Variants in ACOT12 observed in about 807,000 individuals in gnomAD.
The protein encoded by ACOT12 is acetyl-coenzyme A thioesterase.
ACOT12 carries 51 observed loss-of-function variants against 67.7 expected under a neutral mutation model. That is an observed-to-expected ratio of 0.75 (90% CI 0.60 to 0.95). The LOEUF (loss-of-function observed/expected upper bound fraction) is 0.95. ACOT12 is among the 40% of genes least tolerant of loss of function. ACOT12 has a pLI of 0.00. For missense variants in ACOT12, 734 were observed against 708.1 expected (o/e 1.04, Z -0.41); for synonymous variants, 251 against 244.6 (o/e 1.03, Z -0.24).
chr5:81,362,462 G>A (rs751497650), intron 4 of ACOT12, among the ~76,000 whole-genome samples: 2 of 152,082 alleles, frequency 1.3e-5, no homozygotes, highest in Admixed American at 6.6e-5. Context: ...CACCATGCTC[G>A]GCCGACTATT....
intron 1 of ACOT12, 51 bp from the exon 2 acceptor site, chr5:81,385,877 T>C (rs1410707088): frequency 1.3e-6 from 2 of 1,540,986 alleles, no homozygotes; most frequent in East Asian, 2.2e-5. Flanking sequence ...ATGAGAATAT[T>C]TCAGTATAAG....
the ACOT12 span, chr5:81,311,389 C>T: frequency 9.1e-7 from 1 of 1,101,052 alleles, no homozygotes; most frequent in Non-Finnish European, 1.4e-6. Flanking sequence ...TTTAAGACAA[C>T]CTGTTTTCCT....
chr5:81,356,369 C>A (rs947669498), intron 5 of ACOT12, among the ~76,000 whole-genome samples: 15 of 152,116 alleles, frequency 9.9e-5, no homozygotes, highest in African/African-American at 3.6e-4. Flanking sequence ...TCTCCCTGCA[C>A]CCCTCTGATT....
At chr5:81,369,830 A>G (rs763396027) in intron 3 of ACOT12, among the ~76,000 whole-genome samples, 4 of 152,252 alleles carry the variant, frequency 2.6e-5, no homozygotes, top group South Asian at 2.1e-4. Context: ...GAGACAGGCC[A>G]AGCCCAGAGG....
At position 81,347,834 on chromosome 5, in the gene ACOT12, C is replaced by G; in HGVS notation, c.593G>C (p.Gly198Ala). Residue 198 changes from glycine to alanine, a missense_variant, in exon 6 of 15, where the codon GGA becomes GCA. Physicochemically the swap from Gly to Ala is moderately conservative, Grantham distance 60. Transcript: ENST00000307624. ...LVLPPHANHH[G>A]NTFGGQIMAW... The stretch of plus-strand genomic sequence containing the variant: ...CATAATCTGGCCACCAAATGTATTT[C>G]CGTGATGGTTTGCATGGGGTGGGAG... 1 of 1,614,204 alleles carries G rather than the reference C, an allele frequency of 6.2e-7. No homozygotes were observed. The highest frequency in any genetic ancestry group is 1.3e-5 in the African/African-American group (1 of 75,072).
intron 12 of ACOT12, 135 bp from the exon 13 acceptor site, chr5:81,332,740 C>A: frequency 1.9e-6 from 2 of 1,034,946 alleles, no homozygotes; most frequent in South Asian, 3.1e-5. Flanking sequence ...TCCCTAAAAG[C>A]CAGCATTATT....
At position 81,335,818 on chromosome 5, in the gene ACOT12, A is replaced by G. The variant is rs745418107; in HGVS notation, c.1212T>C (p.Tyr404=). The G allele has an allele frequency of 2.7e-5, 44 of 1,614,042 alleles. 1 individual carries two copies. The South Asian group carries it at 4.4e-4, about 16-fold the overall frequency. ...GCTTTGTAAAGTCAGACAAGAGACG[A>G]TAAGCCAAATGTGCTGGACTTCCCA... ...KHVGSPAHLA[Y]RLLSDFTKRP... Residue 404 remains tyrosine (Y), a synonymous_variant, in exon 12 of 15, where the codon TAT becomes TAC. Coordinates refer to ENST00000307624, the MANE Select transcript of ACOT12 (RefSeq NM_130767.3).
chr5:81,348,975 T>C lies in ACOT12; in HGVS notation c.497-1045A>G, dbSNP rs139975886. Among the ~76,000 whole-genome samples, 286 of 152,384 alleles carry C rather than the reference T, an allele frequency of 1.9e-3. 2 individuals carry two copies. Among genetic ancestry groups the C allele is most frequent in the African/African-American group, 6.5e-3 (269 of 41,592 alleles). On this transcript the variant is annotated intron_variant, in intron 5 of 14. Coordinates refer to ENST00000307624, the MANE Select transcript of ACOT12 (RefSeq NM_130767.3). ...CAAAGCAGTAAAATGTATTCAATTA[T>C]GCTTTTTGCATCACGAAGTGAACCA...
chr5:81,349,566 G>GC (rs1759491715), intron 5 of ACOT12, among the ~76,000 whole-genome samples: 1 of 152,104 alleles, frequency 6.6e-6, no homozygotes, highest in Non-Finnish European at 1.5e-5. Flanking sequence ...CCTCAGTGGA[G>GC]CCTTCTCTGA....
At position 81,394,078 on chromosome 5, in the gene ACOT12, G is replaced by C; in HGVS notation, c.37C>G (p.Gln13Glu). 2 of 1,470,798 alleles carry C rather than the reference G, an allele frequency of 1.4e-6. No homozygotes were observed. Among genetic ancestry groups the C allele is most frequent in the South Asian group, 1.3e-5 (1 of 76,458 alleles). 91.1% of individuals were successfully genotyped at this position (1,470,798 alleles called of 1,614,324 possible). Residue 13 changes from glutamine (Q) to glutamate (E), a missense_variant, in exon 1 of 15, where the codon CAA (glutamine) becomes GAA (glutamate). Coordinates refer to ENST00000307624, the MANE Select transcript of ACOT12 (RefSeq NM_130767.3). The stretch of plus-strand genomic sequence containing the variant: ...GTGGCGTGCGCCGGCTGGATGGCTT[G>C]GCTCATGACCACCTCGCCGGGCGCC... The part of the protein sequence containing the change: ...RPAPGEVVMS[Q>E]AIQPAHATAR...
chr5:81,358,048 A>G (rs1054207963), intron 5 of ACOT12, among the ~76,000 whole-genome samples: 1 of 144,302 alleles, frequency 6.9e-6, no homozygotes, highest in African/African-American at 2.6e-5. Flanking sequence ...AAGAAAAACA[A>G]CTGTATTTTG....
Position 81,335,858 on chromosome 5 carries a change from C to T in ACOT12, c.1172G>A (p.Trp391Ter). The change falls in exon 12 of 15, where the codon TGG becomes TAG. Residue 391 changes from tryptophan (W) to a stop codon, truncating the protein, a stop_gained. Coordinates refer to ENST00000307624, the MANE Select transcript of ACOT12 (RefSeq NM_130767.3). LOFTEE classifies it high-confidence loss of function. ...TLEEHDVLSV[W>*]VEKHVGSPAH... ...TGGACTTCCCACGTGCTTTTCAACC[C>T]AAACAGATAAAACATCATGCTCTTC... 1.2e-6 allele frequency: 2 copies of T among 1,613,934 alleles called. No individual in the cohort carries two copies. The highest frequency in any genetic ancestry group is 1.7e-6 in the Non-Finnish European group (2 of 1,179,894).
At position 81,344,174 on chromosome 5, in the gene ACOT12, T is replaced by G; in HGVS notation, c.966A>C (p.Arg322=). The stretch of plus-strand genomic sequence containing the variant: ...ATGTTCCTTACCTGCCTAGGCGAAT[T>G]CGCTTGCGTGCAATAGCTCCCCGAT... ...RRYRGAIARK[R]IRLGRKYVIS... The change falls in exon 9 of 15, where the codon CGA becomes CGC. Residue 322 remains arginine (R), a synonymous_variant. Coordinates refer to ENST00000307624, the MANE Select transcript of ACOT12 (RefSeq NM_130767.3). 6.2e-7 allele frequency: 1 copy of G among 1,613,838 alleles called. No individual in the cohort carries two copies. Among genetic ancestry groups the G allele is most frequent in the Non-Finnish European group, 8.5e-7 (1 of 1,179,872 alleles).
intron 2 of ACOT12, among the ~76,000 whole-genome samples, chr5:81,375,006 T>C (rs1760365907): frequency 6.6e-6 from 1 of 152,108 alleles, no homozygotes; most frequent in South Asian, 2.1e-4. Context: ...CAAAGGTACT[T>C]CTTGAGAAGA....
At chr5:81,324,775 T>A in the ACOT12 span, among the ~76,000 whole-genome samples, 1 of 152,188 alleles carries the variant, frequency 6.6e-6, no homozygotes, top group African/African-American at 2.4e-5. Flanking sequence ...GGAGTCAACT[T>A]CACTGAAGGC....
the ACOT12 span, among the ~76,000 whole-genome samples, chr5:81,317,319 T>C: frequency 6.6e-6 from 1 of 152,028 alleles, no homozygotes. Flanking sequence ...CTGGCCAACA[T>C]GGCGAAACCC....
chr5:81,362,243 G>A (rs1038145961), intron 4 of ACOT12, among the ~76,000 whole-genome samples: 4 of 147,780 alleles, frequency 2.7e-5, no homozygotes, highest in East Asian at 4.0e-4. Context: ...TTGGCTCACC[G>A]CAACTTCTGC....
intron 1 of ACOT12, among the ~76,000 whole-genome samples, chr5:81,392,419 G>A: frequency 6.6e-6 from 1 of 152,208 alleles, no homozygotes; most frequent in East Asian, 1.9e-4. Context: ...AACATTATCA[G>A]TTATTAATAT....
chr5:81,319,465 C>A, the ACOT12 span, among the ~76,000 whole-genome samples: 9 of 152,236 alleles, frequency 5.9e-5, no homozygotes, highest in African/African-American at 1.9e-4. Context: ...CGCCCTTAAT[C>A]CCAGCACTTT....
Sources: gnomAD v4.1 joint callset for allele counts (sites outside exome capture counted in the v4.1 genomes callset) on GRCh38, gnomAD v4.1.1 for gene constraint, MANE v1.5 for transcripts, NCBI Gene and HGNC (gene_info 2026-07-23, HGNC 2026-07-21) for gene names.